The following OR51B5 variants were observed in gnomAD, a reference collection of about 807,000 sequenced individuals.
The protein encoded by OR51B5 is olfactory receptor 51B5.
For synonymous variants in OR51B5, 186 were observed against 144.8 expected, an observed-to-expected ratio of 1.28 and a Z score of -2.04; for missense variants, 456 against 374.6, an observed-to-expected ratio of 1.22 and a Z score of -1.79.
chr11:5,468,237 G>C (rs947705564), intron 1 of OR51B5, among the ~76,000 whole-genome samples: 1 of 152,194 alleles, frequency 6.6e-6, no homozygotes, highest in Non-Finnish European at 1.5e-5. Context: ...TTCAGTTCAA[G>C]ACTCTCTTTC....
At chr11:5,439,550 A>G (rs1850643824) in intron 1 of OR51B5, among the ~76,000 whole-genome samples, 1 of 152,210 alleles carries the variant, frequency 6.6e-6, no homozygotes, top group South Asian at 2.1e-4. Flanking sequence ...AGATATGGAA[A>G]TAACTTGCAG....
intron 1 of OR51B5, among the ~76,000 whole-genome samples, chr11:5,414,790 C>T (rs148330536): frequency 0.066 from 10,023 of 152,214 alleles, 374 homozygotes; most frequent in South Asian, 0.093. Context: ...CCTTAGTGAC[C>T]TACAAAGAGA....
intron 1 of OR51B5, chr11:5,383,887 A>C (rs2647554): frequency 0.41 from 61,845 of 151,848 alleles, 12,777 homozygotes; most frequent in South Asian, 0.54. Flanking sequence ...GAACCTACTC[A>C]TTGGCTTCAC....
At chr11:5,344,916 C>A (rs1848966985), upstream of OR51B5, among the ~76,000 whole-genome samples, 1 of 152,072 alleles carries the variant, frequency 6.6e-6, no homozygotes, top group South Asian at 2.1e-4. Context: ...GTTTGAGGGG[C>A]CTAGAACTGC....
intron 1 of OR51B5, among the ~76,000 whole-genome samples, chr11:5,382,122 T>C (rs1440013925): frequency 6.6e-6 from 1 of 152,234 alleles, no homozygotes; most frequent in African/African-American, 2.4e-5. Context: ...GTTTGACATG[T>C]CATATAAACT....
chr11:5,489,488 C>G (rs1359253900), intron 1 of OR51B5: 2 of 1,613,958 alleles, frequency 1.2e-6, no homozygotes, highest in Non-Finnish European at 1.7e-6. Flanking sequence ...GCCTTCTTCT[C>G]CTTCCTCACC....
intron 1 of OR51B5, among the ~76,000 whole-genome samples, chr11:5,378,369 C>T (rs529423826): frequency 2.6e-5 from 4 of 152,116 alleles, no homozygotes; most frequent in South Asian, 2.1e-4. Flanking sequence ...TAGAAGAAAA[C>T]GCAGGCATTA....
At chr11:5,485,046 C>A (rs1346489326) in intron 1 of OR51B5, among the ~76,000 whole-genome samples, 2 of 152,112 alleles carry the variant, frequency 1.3e-5, no homozygotes, top group East Asian at 1.9e-4. Context: ...ATCTACATAA[C>A]CTGCAAAGAA....
intron 1 of OR51B5, among the ~76,000 whole-genome samples, chr11:5,418,953 GA>G (rs1191911266): frequency 3.3e-5 from 5 of 150,030 alleles, no homozygotes; most frequent in Non-Finnish European, 5.9e-5. Flanking sequence ...AGTGTTTCTT[GA>G]TATCGGTAAT....
chr11:5,447,023 CAATT>C (rs1167569216), intron 1 of OR51B5, among the ~76,000 whole-genome samples: 4 of 152,170 alleles, frequency 2.6e-5, no homozygotes, highest in Non-Finnish European at 5.9e-5. Flanking sequence ...TCTAAAACAT[CAATT>C]ACTTTCATCT....
chr11:5,363,457 A>T (rs1383952253), intron 1 of OR51B5, among the ~76,000 whole-genome samples: 4 of 150,080 alleles, frequency 2.7e-5, no homozygotes, highest in Admixed American at 1.3e-4. Context: ...ATACACACAC[A>T]CTCTCTCTCT....
At chr11:5,486,353 G>A (rs72881286) in intron 1 of OR51B5, among the ~76,000 whole-genome samples, 4,032 of 152,190 alleles carry the variant, frequency 0.026, 64 homozygotes, top group Middle Eastern at 0.054. Context: ...TCACGGCAGG[G>A]ATTTTTGTCT....
At chr11:5,397,791 G>A (rs1411298394) in intron 1 of OR51B5, among the ~76,000 whole-genome samples, 3 of 150,904 alleles carry the variant, frequency 2.0e-5, no homozygotes, top group African/African-American at 7.3e-5. Context: ...GCAAAGACTT[G>A]GAACCAACCC....
chr11:5,503,174 A>G (rs903131725), intron 1 of OR51B5, among the ~76,000 whole-genome samples: 7 of 152,206 alleles, frequency 4.6e-5, no homozygotes, highest in African/African-American at 1.7e-4. Flanking sequence ...ACTTACATAC[A>G]TACAAATTAT....
intron 1 of OR51B5, chr11:5,441,306 A>G (rs774615690): frequency 3.1e-6 from 5 of 1,613,972 alleles, no homozygotes; most frequent in Non-Finnish European, 4.2e-6. Flanking sequence ...CAGATCATTG[A>G]GAGCGAGCAT....
chr11:5,479,199 C>T (rs1226917253), intron 1 of OR51B5, among the ~76,000 whole-genome samples: 1 of 147,280 alleles, frequency 6.8e-6, no homozygotes, highest in African/African-American at 2.5e-5. Flanking sequence ...AGAGTGGGGG[C>T]CAATATTCAA....
intron 1 of OR51B5, among the ~76,000 whole-genome samples, chr11:5,372,000 T>C (rs1849455021): frequency 6.6e-6 from 1 of 152,204 alleles, no homozygotes; most frequent in South Asian, 2.1e-4. Flanking sequence ...ATGCCTTTAT[T>C]TGTTTCTGTG....
intron 1 of OR51B5, among the ~76,000 whole-genome samples, chr11:5,410,850 A>G (rs1330280414): frequency 6.6e-6 from 1 of 152,184 alleles, no homozygotes; most frequent in East Asian, 1.9e-4. Context: ...AAGTAAAAAC[A>G]AATACATAAA....
intron 1 of OR51B5, among the ~76,000 whole-genome samples, chr11:5,375,441 C>T (rs1662915730): frequency 7.9e-6 from 1 of 125,938 alleles, no homozygotes; most frequent in South Asian, 2.6e-4. Flanking sequence ...AGCAAAATAA[C>T]CAGCTATCAT....
Sources: gnomAD v4.1 joint callset for allele counts (sites outside exome capture counted in the v4.1 genomes callset) on GRCh38, gnomAD v4.1.1 for gene constraint, MANE v1.5 for transcripts, NCBI Gene and HGNC (gene_info 2026-07-23, HGNC 2026-07-21) for gene names.